The following MYH9 variants were observed in gnomAD, a reference collection of about 807,000 sequenced individuals.
MYH9 encodes myosin heavy chain 9.
Under a neutral mutation model 241.9 loss-of-function variants are expected in MYH9, and 29 were observed. The observed-to-expected ratio is 0.12, with a 90% CI of 0.09 to 0.16. MYH9 has a LOEUF of 0.16. MYH9 is among the 10% of genes least tolerant of loss of function. The pLI is 1.00. For missense variants in MYH9, 1,803 were observed against 2,595.5 expected (o/e 0.69, Z 6.63); for synonymous variants, 1,047 against 1,062.6 (o/e 0.99, Z 0.29).
intron 1 of MYH9, among the ~76,000 whole-genome samples, chr22:36,357,038 T>C (rs1375405346): frequency 6.6e-6 from 1 of 152,276 alleles, no homozygotes; most frequent in Non-Finnish European, 1.5e-5. Flanking sequence ...TAATGCAGCA[T>C]GTATTCCTTA....
chr22:36,288,212 G>T lies in MYH9; in HGVS notation c.4932+40C>A. 6.2e-7 allele frequency: 1 copy of T among 1,611,024 alleles called. No individual in the cohort carries two copies. The highest frequency in any genetic ancestry group is 8.5e-7 in the Non-Finnish European group (1 of 1,179,580). On this transcript the variant is annotated intron_variant, in intron 34 of 40. Coordinates refer to ENST00000216181, the MANE Select transcript of MYH9 (RefSeq NM_002473.6). This position sits in a 1 kb window ranked among gnomAD's most constrained non-coding sequence, Gnocchi z 4.8. ...ACCTTCATATGTAGTTGGCTCAGTCGGGTGCCGCCCACCCTCACCTGGGCC... is the reference window on the plus strand; with the variant it reads ...ACCTTCATATGTAGTTGGCTCAGTCTGGTGCCGCCCACCCTCACCTGGGCC...
chr22:36,324,351 T>C (rs1324365137), intron 5 of MYH9, among the ~76,000 whole-genome samples: 5 of 152,376 alleles, frequency 3.3e-5, no homozygotes, highest in East Asian at 3.9e-4. Context: ...TGCGGTACTG[T>C]ATGAGGTTTG....
Position 36,334,332 on chromosome 22 carries a change from G to A in MYH9, c.491-6844C>T, listed in dbSNP as rs532108874. On this transcript the variant is annotated intron_variant, in intron 3 of 40. Coordinates refer to ENST00000216181, the MANE Select transcript of MYH9 (RefSeq NM_002473.6). ...CCATGGTGTTGGGTGGTGGCCCAGGGCCTGCTTCCCACAGCACCTGTCTGG... is the reference window on the plus strand; with the variant it reads ...CCATGGTGTTGGGTGGTGGCCCAGGACCTGCTTCCCACAGCACCTGTCTGG... 6.6e-5 allele frequency among the ~76,000 whole-genome samples: 10 copies of A among 152,300 alleles called. No homozygotes were observed. The East Asian group carries it at 1.9e-3, about 29-fold the overall frequency.
At chr22:36,371,864 C>G (rs117426199) in intron 1 of MYH9, among the ~76,000 whole-genome samples, 4,349 of 151,878 alleles carry the variant, frequency 0.029, 76 homozygotes, top group Middle Eastern at 0.082. Flanking sequence ...TCTCAACATA[C>G]CCCCTCATCT....
Position 36,316,427 on chromosome 22 carries a change from A to G in MYH9, c.1380+90T>C, listed in dbSNP as rs5756152. On this transcript the variant is annotated intron_variant, in intron 12 of 40. Coordinates refer to ENST00000216181, the MANE Select transcript of MYH9 (RefSeq NM_002473.6). ...GGAGATGGCCAACTCAGATCGATGC[A>G]GGACCATGAGAAGCAGGGTTCTTAA... is the stretch of plus-strand genomic sequence containing the variant. 1,529,597 of 1,587,798 alleles carry G rather than the reference A, an allele frequency of 0.96. 739,209 individuals carry two copies. Among genetic ancestry groups the G allele is most frequent in the East Asian group, 1 (44,745 of 44,764 alleles).
chr22:36,281,423 T>C lies in MYH9; in HGVS notation c.*1245A>G, dbSNP rs183604549. ...GGTGGGAGTTTCACTCACTCCTTTG[T>C]GACAGCAACTGGGACCTGAATTCAG... On this transcript the variant is annotated 3_prime_UTR_variant, in exon 41 of 41. Coordinates refer to ENST00000216181, the MANE Select transcript of MYH9 (RefSeq NM_002473.6). The C allele has an allele frequency of 1.4e-4, 33 of 228,794 alleles. No individual in the cohort carries two copies. The highest frequency in any genetic ancestry group is 2.5e-4 in the Non-Finnish European group (29 of 115,054). 14.2% of individuals were successfully genotyped at this position (228,794 alleles called of 1,614,324 possible). A position where few individuals can be genotyped will look rare whatever the true frequency, so the allele number is the denominator to read the frequency against.
At chr22:36,283,788 C>T (rs1203298851) in intron 40 of MYH9, among the ~76,000 whole-genome samples, 4 of 152,232 alleles carry the variant, frequency 2.6e-5, no homozygotes, top group Non-Finnish European at 5.9e-5. Context: ...GGCTCACATT[C>T]GTTTTGCAGA....
At chr22:36,344,519 C>G (rs1456374646) in intron 2 of MYH9, among the ~76,000 whole-genome samples, 1 of 152,222 alleles carries the variant, frequency 6.6e-6, no homozygotes, top group Non-Finnish European at 1.5e-5. Context: ...AATAACTCTG[C>G]ATCTGCTGGG....
At chr22:36,339,052 G>A (rs1216750247) in intron 3 of MYH9, among the ~76,000 whole-genome samples, 2 of 152,120 alleles carry the variant, frequency 1.3e-5, no homozygotes, top group African/African-American at 4.8e-5. Context: ...TCAATGTATG[G>A]AGCTTTCAGG....
At chr22:36,378,669 T>G (rs867750434) in intron 1 of MYH9, among the ~76,000 whole-genome samples, 17 of 151,994 alleles carry the variant, frequency 1.1e-4, no homozygotes, top group African/African-American at 3.9e-4. Context: ...CTGGAAGAAG[T>G]TCAGAGAAAC....
intron 1 of MYH9, among the ~76,000 whole-genome samples, 190 bp from the exon 2 acceptor site, chr22:36,349,445 T>C (rs1252522995): frequency 6.6e-6 from 1 of 152,190 alleles, no homozygotes; most frequent in South Asian, 2.1e-4. Context: ...AAAAAACAAG[T>C]TGGGCCCAGG....
chr22:36,362,012 T>C (rs5995287), intron 1 of MYH9, among the ~76,000 whole-genome samples: 104 of 152,252 alleles, frequency 6.8e-4, no homozygotes, highest in African/African-American at 2.4e-3. Flanking sequence ...GAGGTTGCAG[T>C]GAGCCGAAAT....
At chr22:36,321,981 G>T in intron 6 of MYH9, 160 bp from the exon 7 acceptor site, 1 of 710,062 alleles carries the variant, frequency 1.4e-6, no homozygotes. Context: ...GGCCCCCTAC[G>T]CCCACACCAC....
chr22:36,320,655 C>G lies in MYH9; in HGVS notation c.868+143G>C. 2 of 762,894 alleles carry G rather than the reference C, an allele frequency of 2.6e-6. No individual in the cohort carries two copies. Among genetic ancestry groups the G allele is most frequent in the South Asian group, 1.5e-5 (1 of 65,370 alleles). The allele number at this position is 762,894 out of a possible 1,614,324, so 47.3% of individuals were successfully genotyped here. ...AGAAGACCAAGTCCTTAGGATGGCG[C>G]AGAGAACAGGAGTCACTCTCACTTC... On this transcript the variant is annotated intron_variant, in intron 8 of 40. Coordinates refer to ENST00000216181, the MANE Select transcript of MYH9 (RefSeq NM_002473.6). This position sits in a 1 kb window ranked among gnomAD's most constrained non-coding sequence, Gnocchi z 4.8.
At chr22:36,370,408 G>T (rs1310642595) in intron 1 of MYH9, among the ~76,000 whole-genome samples, 2 of 152,270 alleles carry the variant, frequency 1.3e-5, no homozygotes, top group South Asian at 4.2e-4. Flanking sequence ...GCTCACCATG[G>T]GCAAGGCACC....
intron 40 of MYH9, among the ~76,000 whole-genome samples, chr22:36,283,523 G>A (rs1357029142): frequency 6.8e-6 from 1 of 146,378 alleles, no homozygotes; most frequent in Non-Finnish European, 1.5e-5. Context: ...GGCAACAAGA[G>A]CGAAACTCCG....
chr22:36,335,237 G>A (rs1004471830), intron 3 of MYH9, among the ~76,000 whole-genome samples: 12 of 152,182 alleles, frequency 7.9e-5, no homozygotes, highest in Non-Finnish European at 1.3e-4. Flanking sequence ...CAGAGTGCCC[G>A]GCACACACAC....
chr22:36,321,473 G>A (rs953769185), intron 7 of MYH9, among the ~76,000 whole-genome samples: 1 of 152,172 alleles, frequency 6.6e-6, no homozygotes, highest in Admixed American at 6.5e-5. Context: ...GCACGCAGGA[G>A]AGTGGCATCC....
At chr22:36,309,832 A>AT (rs2017031666) in intron 14 of MYH9, among the ~76,000 whole-genome samples, 1 of 152,176 alleles carries the variant, frequency 6.6e-6, no homozygotes, top group Non-Finnish European at 1.5e-5. Context: ...TTCTCTGAGT[A>AT]TGTGTCAGTT....
Sources: gnomAD v4.1 joint callset for allele counts (sites outside exome capture counted in the v4.1 genomes callset) on GRCh38, gnomAD v4.1.1 for gene constraint, Gnocchi (gnomAD v3.1) non-coding constraint, MANE v1.5 for transcripts, NCBI Gene and HGNC (gene_info 2026-07-23, HGNC 2026-07-21) for gene names.